Variants in PAK3 observed in about 807,000 individuals in gnomAD.
PAK3 encodes p21 (RAC1) activated kinase 3.
PAK3 carries 4 observed loss-of-function variants against 41.0 expected under a neutral mutation model. The ratio of observed to expected loss-of-function variants is 0.10; its 90% confidence interval spans 0.05 to 0.22. PAK3 has a LOEUF of 0.22. PAK3 is among the 10% of genes least tolerant of loss of function. PAK3 has a pLI of 1.00. For missense variants in PAK3, 205 were observed against 409.9 expected (o/e 0.50, Z 4.32); for synonymous variants, 146 against 139.6 (o/e 1.05, Z -0.32).
At chrX:111,156,485 G>C (rs1441507963) in intron 8 of PAK3, among the ~76,000 whole-genome samples, 1 of 112,028 alleles carries the variant, frequency 8.9e-6, no homozygotes, top group Non-Finnish European at 1.9e-5. Flanking sequence ...AGTTCCTTAG[G>C]AATGGATAAC....
At chrX:111,031,152 T>A (rs1260314974) in intron 1 of PAK3, among the ~76,000 whole-genome samples, 1 of 112,221 alleles carries the variant, frequency 8.9e-6, no homozygotes, top group African/African-American at 3.2e-5. Flanking sequence ...CTCACATAGC[T>A]CCTATGTTTG....
chrX:111,146,197 A>G (rs2093942078), intron 6 of PAK3, among the ~76,000 whole-genome samples: 1 of 112,040 alleles, frequency 8.9e-6, no homozygotes, highest in Non-Finnish European at 1.9e-5. Flanking sequence ...TTGCCTCCAA[A>G]TTCATGTTTC....
At chrX:111,043,687 G>A (rs962655949) in intron 1 of PAK3, among the ~76,000 whole-genome samples, 1 of 112,189 alleles carries the variant, frequency 8.9e-6, no homozygotes, top group African/African-American at 3.2e-5. Context: ...GTAAATTTAA[G>A]TTTACTAATT....
At chrX:111,042,802 C>T (rs922089062) in intron 1 of PAK3, among the ~76,000 whole-genome samples, 1 of 112,278 alleles carries the variant, frequency 8.9e-6, no homozygotes, top group Non-Finnish European at 1.9e-5. Flanking sequence ...CTTTCATCTT[C>T]TCACTTCCCA....
intron 4 of PAK3, among the ~76,000 whole-genome samples, chrX:111,112,903 C>T (rs1311193632): frequency 9.0e-6 from 1 of 111,569 alleles, no homozygotes; most frequent in Non-Finnish European, 1.9e-5. Flanking sequence ...GAGATCTGTC[C>T]TGCTTATATA....
intron 10 of PAK3, among the ~76,000 whole-genome samples, chrX:111,170,612 C>G (rs964051572): frequency 3.6e-5 from 4 of 111,260 alleles, no homozygotes; most frequent in African/African-American, 1.3e-4. Context: ...GTTCTAGGCT[C>G]CAAAGTTACA....
intron 1 of PAK3, among the ~76,000 whole-genome samples, chrX:111,022,756 G>A (rs1460805439): frequency 9.0e-6 from 1 of 111,270 alleles, no homozygotes; most frequent in African/African-American, 3.3e-5. Flanking sequence ...GAATAGATAT[G>A]AATTCAACAA....
intron 3 of PAK3, among the ~76,000 whole-genome samples, chrX:111,100,356 C>T (rs775857165): frequency 9.0e-6 from 1 of 111,420 alleles, no homozygotes; most frequent in Admixed American, 9.5e-5. Flanking sequence ...TAACAATCAG[C>T]ACAACAGTGC....
intron 1 of PAK3, among the ~76,000 whole-genome samples, chrX:110,947,405 A>T (rs925096071): frequency 9.0e-6 from 1 of 111,455 alleles, no homozygotes; most frequent in Non-Finnish European, 1.9e-5. Context: ...TTGGGCTGGA[A>T]TGGAATCGAT....
intron 16 of PAK3, among the ~76,000 whole-genome samples, chrX:111,200,558 A>T (rs2094670685): frequency 8.9e-6 from 1 of 112,258 alleles, no homozygotes; most frequent in African/African-American, 3.2e-5. Flanking sequence ...CCCTCCATGG[A>T]TTTAATCAAG....
intron 16 of PAK3, 24 bp downstream of exon 16, chrX:111,196,664 A>G (rs775413256): frequency 2.8e-6 from 3 of 1,077,389 alleles, no homozygotes; most frequent in East Asian, 3.0e-5. Flanking sequence ...GAAGTCAGGT[A>G]CTTTATTCCC....
chrX:111,106,435 C>A (rs1312082081), intron 4 of PAK3, among the ~76,000 whole-genome samples: 3 of 111,656 alleles, frequency 2.7e-5, no homozygotes, highest in Non-Finnish European at 5.6e-5. Flanking sequence ...GATACACTTA[C>A]ACTGACACAC....
At chrX:111,113,567 C>T (rs1425722419) in intron 4 of PAK3, among the ~76,000 whole-genome samples, 1 of 111,326 alleles carries the variant, frequency 9.0e-6, no homozygotes, top group East Asian at 2.8e-4. Context: ...TCTCATTTTG[C>T]AATGCACATA....
chrX:111,186,265 C>T (rs755662925), intron 11 of PAK3, among the ~76,000 whole-genome samples: 4 of 111,453 alleles, frequency 3.6e-5, no homozygotes, highest in Non-Finnish European at 7.5e-5. Flanking sequence ...CACTCCTATT[C>T]AACATAGTGT....
At chrX:111,053,483 C>T (rs772757515) in intron 1 of PAK3, among the ~76,000 whole-genome samples, 2 of 111,617 alleles carry the variant, frequency 1.8e-5, no homozygotes, top group African/African-American at 3.3e-5. Flanking sequence ...CAATAGGCAA[C>T]GATTCTAGAG....
chrX:111,025,901 C>T (rs1208465685), intron 1 of PAK3, among the ~76,000 whole-genome samples: 1 of 109,240 alleles, frequency 9.2e-6, no homozygotes, highest in Non-Finnish European at 1.9e-5. Flanking sequence ...ATGCAAAAGT[C>T]CTCAACAAAA....
intron 1 of PAK3, among the ~76,000 whole-genome samples, chrX:111,076,053 T>C (rs2092782505): frequency 8.9e-6 from 1 of 112,497 alleles, no homozygotes; most frequent in African/African-American, 3.2e-5. Flanking sequence ...CCATTGTACC[T>C]TGGGAGTGAA....
chrX:111,006,849 C>CTTTCTTTCTTTCTTTT (rs1556434441), intron 1 of PAK3, among the ~76,000 whole-genome samples: 42 of 42,686 alleles, frequency 9.8e-4, no homozygotes, highest in Non-Finnish European at 1.6e-3. Flanking sequence ...TTCTTTCTTT[C>CTTTCTTTCTTTCTTTT]TTTTTTTTTT....
At chrX:110,997,856 C>A (rs1207615232) in intron 1 of PAK3, among the ~76,000 whole-genome samples, 1 of 110,732 alleles carries the variant, frequency 9.0e-6, no homozygotes, top group Non-Finnish European at 1.9e-5. Context: ...ATAAAAGAGA[C>A]CTGAGAGTGA....
Sources: gnomAD v4.1 joint callset for allele counts (sites outside exome capture counted in the v4.1 genomes callset) on GRCh38, gnomAD v4.1.1 for gene constraint, MANE v1.5 for transcripts, NCBI Gene and HGNC (gene_info 2026-07-23, HGNC 2026-07-21) for gene names.